MYO6: variants seen among roughly 807,000 people sequenced by gnomAD.
MYO6 encodes myosin VI, also known as unconventional myosin-VI.
Under a neutral mutation model 178.7 loss-of-function variants are expected in MYO6, and 74 were observed. The observed-to-expected ratio is 0.41, with a 90% CI of 0.34 to 0.50. The LOEUF (loss-of-function observed/expected upper bound fraction) is 0.50, where lower values mean the gene tolerates loss of function less well. MYO6 is among the 20% of genes least tolerant of loss of function. MYO6 has a pLI of 0.09. For synonymous variants in MYO6, 477 were observed against 504.6 expected, an observed-to-expected ratio of 0.95 and a Z score of 0.73; for missense variants, 1,330 against 1,547.4, an observed-to-expected ratio of 0.86 and a Z score of 2.36.
chr6:75,774,048 G>A (rs1766138177), intron 1 of MYO6, among the ~76,000 whole-genome samples: 1 of 152,118 alleles, frequency 6.6e-6, no homozygotes, highest in East Asian at 1.9e-4. Flanking sequence ...GACTAATGCT[G>A]CTGTATCAAG....
rs746580223 is a variant in MYO6, at chr6:75,817,529, C to A, written c.-19C>A. 1.1e-5 allele frequency: 18 copies of A among 1,592,170 alleles called. No homozygotes were observed. The South Asian group carries it at 1.8e-4, about 16-fold the overall frequency. ...ACAGTGGATAGTGGAAACAGGAGAT[C>A]GTGGATCCTCCTTCAAAAATGGAGG... On this transcript the variant is annotated 5_prime_UTR_variant, in exon 2 of 35. Coordinates refer to ENST00000369977, the MANE Select transcript of MYO6 (RefSeq NM_004999.4).
chr6:75,832,357 G>A (rs933279747), intron 5 of MYO6, among the ~76,000 whole-genome samples: 1 of 152,048 alleles, frequency 6.6e-6, no homozygotes, highest in African/African-American at 2.4e-5. Flanking sequence ...ATTGTAAAAT[G>A]TTGACAAATT....
At chr6:75,762,851 T>C (rs1293150545) in intron 1 of MYO6, among the ~76,000 whole-genome samples, 1 of 152,236 alleles carries the variant, frequency 6.6e-6, no homozygotes, top group Non-Finnish European at 1.5e-5. Flanking sequence ...AATGTATTCC[T>C]GTAAAGTTTT....
In MYO6 at chr6:75,891,245, CA is replaced by C; in HGVS notation, c.2888del (p.Lys963ArgfsTer52). 1 of 1,605,660 alleles carries C rather than the reference CA, an allele frequency of 6.2e-7. No homozygotes were observed. The highest frequency in any genetic ancestry group is 8.5e-7 in the Non-Finnish European group (1 of 1,174,878). ...EERRMKLEME[A>X]KRKQEEEERK... The stretch of plus-strand genomic sequence containing the variant: ...TTTATTAGGAAACTTGAGATGGAAG[CA>C]AAGAGAAAACAAGAAGAAGAAGAGA... On this transcript the variant is annotated frameshift_variant, in exon 27 of 35. Coordinates refer to ENST00000369977, the MANE Select transcript of MYO6 (RefSeq NM_004999.4). LOFTEE classifies it high-confidence loss of function.
At chr6:75,895,484 T>C (rs1470606127) in intron 29 of MYO6, among the ~76,000 whole-genome samples, 1 of 152,012 alleles carries the variant, frequency 6.6e-6, no homozygotes, top group African/African-American at 2.4e-5. Context: ...TAAACTATAA[T>C]GTAACACCTA....
intron 1 of MYO6, among the ~76,000 whole-genome samples, chr6:75,775,579 A>G (rs1474050170): frequency 6.6e-6 from 1 of 152,222 alleles, no homozygotes; most frequent in Non-Finnish European, 1.5e-5. Context: ...TGTGCTGCTT[A>G]TCTGTTGACA....
intron 12 of MYO6, among the ~76,000 whole-genome samples, chr6:75,856,893 A>G (rs990493887): frequency 1.3e-5 from 2 of 152,092 alleles, no homozygotes; most frequent in Non-Finnish European, 2.9e-5. Flanking sequence ...CCCCAATAAT[A>G]GACTTTTGAT....
chr6:75,839,200 T>C (rs1773961152), intron 7 of MYO6, among the ~76,000 whole-genome samples: 1 of 151,704 alleles, frequency 6.6e-6, no homozygotes, highest in Non-Finnish European at 1.5e-5. Flanking sequence ...TTTATTTATT[T>C]ATTTTTTTGA....
In MYO6 at chr6:75,761,628, G is replaced by C. The variant is rs2047449; in HGVS notation, c.-48+12205G>C. Among the ~76,000 whole-genome samples, 158 of 109,782 alleles carry C rather than the reference G, an allele frequency of 1.4e-3. 2 individuals carry two copies. The Middle Eastern group carries it at 0.016, about 11-fold the overall frequency. 72.0% of individuals were successfully genotyped at this position (109,782 alleles called of 152,430 possible). A position where few individuals can be genotyped will look rare whatever the true frequency, so the allele number is the denominator to read the frequency against. Reference sequence around the variant, plus strand: ...ACACACACACACACACACACACACAGACACATTTTTTTTTTCCTTTTTGCC... The same window carrying C: ...ACACACACACACACACACACACACACACACATTTTTTTTTTCCTTTTTGCC... On this transcript the variant is annotated intron_variant, in intron 1 of 34. Coordinates refer to ENST00000369977, the MANE Select transcript of MYO6 (RefSeq NM_004999.4).
At position 75,804,845 on chromosome 6, in the gene MYO6, C is replaced by CAT. The variant is rs1266463905; in HGVS notation, c.-47-12648_-47-12647dup. ...TGGTACTTAATGTCTAATACCCTAACATATATATACACATATATATGCGCA... is the reference window on the plus strand; with the variant it reads ...TGGTACTTAATGTCTAATACCCTAACATATATATATACACATATATATGCGCA... On this transcript the variant is annotated intron_variant, in intron 1 of 34. Coordinates refer to ENST00000369977, the MANE Select transcript of MYO6 (RefSeq NM_004999.4). Among the ~76,000 whole-genome samples the CAT allele has an allele frequency of 3.3e-5, 5 of 149,346 alleles. No individual in the cohort carries two copies. The East Asian group carries it at 7.9e-4, about 24-fold the overall frequency.
At chr6:75,836,571 TTTTTCTTTTTC>T (rs1773664929) in intron 7 of MYO6, among the ~76,000 whole-genome samples, 1 of 151,726 alleles carries the variant, frequency 6.6e-6, no homozygotes, top group Non-Finnish European at 1.5e-5. Context: ...GAATAATTTC[TTTTTCTTTTTC>T]TTTTCTTTTT....
chr6:75,796,233 T>C (rs762435212), intron 1 of MYO6, among the ~76,000 whole-genome samples: 38 of 152,204 alleles, frequency 2.5e-4, no homozygotes, highest in Non-Finnish European at 4.8e-4. Flanking sequence ...TCTAATTAGG[T>C]GACCCTCAGT....
At chr6:75,826,775 A>G (rs1000683177) in intron 3 of MYO6, among the ~76,000 whole-genome samples, 17 of 152,128 alleles carry the variant, frequency 1.1e-4, no homozygotes, top group African/African-American at 2.9e-4. Flanking sequence ...ACTCTCTTTT[A>G]TTCTGCCCTA....
intron 32 of MYO6, among the ~76,000 whole-genome samples, chr6:75,908,837 G>C (rs899927954): frequency 1.3e-4 from 20 of 151,908 alleles, no homozygotes; most frequent in African/African-American, 4.4e-4. Context: ...AAGATATATT[G>C]AATTTACTAT....
intron 2 of MYO6, among the ~76,000 whole-genome samples, chr6:75,819,497 G>A (rs993358376): frequency 6.6e-6 from 1 of 152,230 alleles, no homozygotes; most frequent in African/African-American, 2.4e-5. Flanking sequence ...CAGTGGAAGT[G>A]TAGATGAGGG....
intron 2 of MYO6, 90 bp from the exon 3 acceptor site, chr6:75,822,692 C>G (rs1772015935): frequency 2.1e-6 from 2 of 946,500 alleles, no homozygotes; most frequent in East Asian, 2.4e-5. Flanking sequence ...ATTGTTGCCA[C>G]TATTACAGTG....
chr6:75,866,992 G>T lies in MYO6; in HGVS notation c.1831G>T (p.Glu611Ter), dbSNP rs1362017839. ...LHMSLESLIC[E>*]SRDKFIRELF... ...TATGTCTCTTGAATCCTTAATATGT[G>T]AATCCAGAGATAAGTTTATACGGGA... The change falls in exon 18 of 35, where the codon GAA (glutamate) becomes TAA (stop). Residue 611 changes from glutamate (E) to a stop codon, truncating the protein, a stop_gained. Coordinates refer to ENST00000369977, the MANE Select transcript of MYO6 (RefSeq NM_004999.4). LOFTEE classifies it high-confidence loss of function. 6.2e-7 allele frequency: 1 copy of T among 1,613,750 alleles called. No individual in the cohort carries two copies. The highest frequency in any genetic ancestry group is 8.5e-7 in the Non-Finnish European group (1 of 1,179,788).
chr6:75,756,845 C>T (rs1426255642), intron 1 of MYO6, among the ~76,000 whole-genome samples: 1 of 150,454 alleles, frequency 6.6e-6, no homozygotes, highest in Non-Finnish European at 1.5e-5. Flanking sequence ...TAGTACTAAG[C>T]AGGTAGTAGA....
At chr6:75,875,468 A>G (rs1219089466) in intron 20 of MYO6, among the ~76,000 whole-genome samples, 1 of 152,170 alleles carries the variant, frequency 6.6e-6, no homozygotes, top group Non-Finnish European at 1.5e-5. Flanking sequence ...TTGTACAGAC[A>G]GGATCTCACT....
Sources: gnomAD v4.1 joint callset for allele counts (sites outside exome capture counted in the v4.1 genomes callset) on GRCh38, gnomAD v4.1.1 for gene constraint, MANE v1.5 for transcripts, NCBI Gene and HGNC (gene_info 2026-07-23, HGNC 2026-07-21) for gene names.